The following LURAP1 variants were observed in gnomAD, a reference collection of about 807,000 sequenced individuals.
The protein encoded by LURAP1 is NF-kappa-B activator C1orf190.
LURAP1 carries 14 observed loss-of-function variants against 19.0 expected under a neutral mutation model. The ratio of observed to expected loss-of-function variants is 0.74; its 90% CI spans 0.49 to 1.15. The LOEUF is 1.15. Among genes scored for constraint, LURAP1 ranks in the 50% most tolerant of loss-of-function variants. LURAP1 has a pLI of 0.00. For missense variants in LURAP1, 273 were observed against 309.1 expected (o/e 0.88, Z 0.87); for synonymous variants, 129 against 131.8 (o/e 0.98, Z 0.14).
In LURAP1 at chr1:46,203,338, T is replaced by G; in HGVS notation, c.-89T>G. 1 of 1,244,224 alleles carries G rather than the reference T, an allele frequency of 8.0e-7. No homozygotes were observed. Among genetic ancestry groups the G allele is most frequent in the Non-Finnish European group, 1.1e-6 (1 of 933,728 alleles). 77.1% of individuals were successfully genotyped at this position (1,244,224 alleles called of 1,614,324 possible). The stretch of plus-strand genomic sequence containing the variant: ...CCGCGCGGGCGGGGACCCACCGGTT[T>G]TGCTCCGCTTTAGCAGCGGCGAAGG... On this transcript the variant is annotated 5_prime_UTR_variant, in exon 1 of 2. Transcript: ENST00000371980.
chr1:46,205,221 G>A (rs1193265294), intron 1 of LURAP1, among the ~76,000 whole-genome samples: 1 of 152,058 alleles, frequency 6.6e-6, no homozygotes, highest in Non-Finnish European at 1.5e-5. Flanking sequence ...TCGCACCACT[G>A]CACTCCAGCC....
chr1:46,215,511 C>T (rs1463696648), intron 1 of LURAP1, among the ~76,000 whole-genome samples: 1 of 152,156 alleles, frequency 6.6e-6, no homozygotes, highest in African/African-American at 2.4e-5. Context: ...AAGAGAAGAT[C>T]CTAAAAGCTT....
chr1:46,219,929 T>C lies in LURAP1; in HGVS notation c.429T>C (p.Ser143=), dbSNP rs570496049. 1 of 1,614,240 alleles carries C rather than the reference T, an allele frequency of 6.2e-7. No individual in the cohort carries two copies. Among genetic ancestry groups the C allele is most frequent in the Admixed American group, 1.7e-5 (1 of 60,026 alleles). ...TSTTDRLDSV[S]IGSFLDTVAP... The stretch of plus-strand genomic sequence containing the variant: ...CCACCGACCGGCTGGACAGTGTCTC[T>C]ATTGGCAGCTTCCTGGACACAGTGG... Residue 143 remains serine (S), a synonymous_variant, in exon 2 of 2, where the codon TCT becomes TCC. Transcript: ENST00000371980.
chr1:46,215,225 CAAAA>C (rs35554687), intron 1 of LURAP1, among the ~76,000 whole-genome samples: 1 of 75,578 alleles, frequency 1.3e-5, no homozygotes, highest in Non-Finnish European at 2.7e-5. Context: ...AACTCTGTCT[CAAAA>C]AAAAAAAAAA....
In LURAP1 at chr1:46,203,465, G is replaced by A. The variant is rs776919489; in HGVS notation, c.39G>A (p.Arg13=). ...TGGAGTCCCAGACGCCTGACCTGCGGGATGTGGAGGGTAAGGTGGGCAGGA... is the reference window on the plus strand; with the variant it reads ...TGGAGTCCCAGACGCCTGACCTGCGAGATGTGGAGGGTAAGGTGGGCAGGA... The part of the protein sequence containing the change: ...GTVESQTPDL[R]DVEGKVGRKT... The change falls in exon 1 of 2, where the codon CGG becomes CGA. Residue 13 remains arginine, a synonymous_variant. Coordinates refer to ENST00000371980, the MANE Select transcript of LURAP1 (RefSeq NM_001013615.3). 6.6e-7 allele frequency: 1 copy of A among 1,508,844 alleles called. No individual in the cohort carries two copies. Among genetic ancestry groups the A allele is most frequent in the South Asian group, 1.3e-5 (1 of 77,242 alleles). The allele number at this position is 1,508,844 out of a possible 1,614,324, so 93.5% of individuals were successfully genotyped here. A position where few individuals can be genotyped will look rare whatever the true frequency, so the allele number is the denominator to read the frequency against.
intron 1 of LURAP1, among the ~76,000 whole-genome samples, chr1:46,213,711 C>T (rs1297350621): frequency 1.3e-5 from 2 of 151,880 alleles, no homozygotes; most frequent in African/African-American, 4.8e-5. Flanking sequence ...CGTAGCGAGA[C>T]TTTGTCTCTA....
intron 1 of LURAP1, among the ~76,000 whole-genome samples, chr1:46,215,178 A>G (rs923385077): frequency 2.7e-5 from 4 of 149,666 alleles, no homozygotes; most frequent in Non-Finnish European, 5.9e-5. Flanking sequence ...GTAAGCCAAG[A>G]TCGCACCATT....
chr1:46,219,732 C>G lies in LURAP1; in HGVS notation c.232C>G (p.Gln78Glu), dbSNP rs546155090. The change falls in exon 2 of 2, where the codon CAG becomes GAG. Residue 78 changes from glutamine (Q) to glutamate (E), a missense_variant. Coordinates refer to ENST00000371980, the MANE Select transcript of LURAP1 (RefSeq NM_001013615.3). ...YLRAIDVKIL[Q>E]QLVTLNEGIE... ...GCGAGCCATCGATGTGAAGATCCTG[C>G]AGCAGCTGGTGACCTTGAATGAGGG... 6.2e-7 allele frequency: 1 copy of G among 1,606,290 alleles called. No homozygotes were observed. The highest frequency in any genetic ancestry group is 1.3e-5 in the African/African-American group (1 of 74,972).
chr1:46,206,717 C>A (rs1216283883), intron 1 of LURAP1, among the ~76,000 whole-genome samples: 1 of 152,186 alleles, frequency 6.6e-6, no homozygotes, highest in Non-Finnish European at 1.5e-5. Context: ...TTCCCAGCAA[C>A]ACACTACAAC....
intron 1 of LURAP1, among the ~76,000 whole-genome samples, chr1:46,217,772 G>C (rs141919145): frequency 6.6e-6 from 1 of 152,228 alleles, no homozygotes; most frequent in South Asian, 2.1e-4. Flanking sequence ...CAAGAGAATC[G>C]CTTGAACCCT....
At chr1:46,207,546 T>G (rs982696551) in intron 1 of LURAP1, among the ~76,000 whole-genome samples, 2 of 149,258 alleles carry the variant, frequency 1.3e-5, no homozygotes, top group African/African-American at 4.9e-5. Flanking sequence ...CTTTCTTTCT[T>G]TTTTTTTTTT....
At chr1:46,212,769 T>C (rs74531559) in intron 1 of LURAP1, among the ~76,000 whole-genome samples, 3 of 151,768 alleles carry the variant, frequency 2.0e-5, no homozygotes, top group Non-Finnish European at 4.4e-5. Context: ...TATTTTATTT[T>C]ATTTTTTTGA....
chr1:46,208,407 C>T (rs1658787396), intron 1 of LURAP1, among the ~76,000 whole-genome samples: 2 of 152,096 alleles, frequency 1.3e-5, no homozygotes, highest in South Asian at 4.1e-4. Flanking sequence ...AGTGCCACAC[C>T]AATAAGAAAC....
chr1:46,217,388 T>A (rs993138059), intron 1 of LURAP1, among the ~76,000 whole-genome samples: 6 of 147,726 alleles, frequency 4.1e-5, no homozygotes, highest in Non-Finnish European at 7.5e-5. Context: ...TAATAATAAT[T>A]CTAAGGATAA....
chr1:46,207,041 T>C (rs1185919208), intron 1 of LURAP1, among the ~76,000 whole-genome samples: 3 of 152,146 alleles, frequency 2.0e-5, no homozygotes, highest in African/African-American at 7.2e-5. Context: ...TTTCCTCTGC[T>C]TGAAATGCTT....
rs1659194195 is a variant in LURAP1 at position 46,220,099 on chromosome 1, A to G, written c.599A>G (p.Lys200Arg). 1 of 1,614,112 alleles carries G rather than the reference A, an allele frequency of 6.2e-7. No individual in the cohort carries two copies. The highest frequency in any genetic ancestry group is 1.3e-5 in the African/African-American group (1 of 74,944). The change falls in exon 2 of 2, where the codon AAG (lysine) becomes AGG (arginine). Residue 200 changes from lysine (K) to arginine (R), a missense_variant. By Grantham distance (26) the Lys-to-Arg change is conservative. Coordinates refer to ENST00000371980, the MANE Select transcript of LURAP1 (RefSeq NM_001013615.3). The stretch of plus-strand genomic sequence containing the variant: ...CTAGGGAGCTTGAGAGCTGTGTGGA[A>G]GCCCCCAGGGGAGAGGCTTCAAGGT... ...TRLGSLRAVW[K>R]PPGERLQGGP... is the part of the protein sequence containing the mutation.
In LURAP1 at chr1:46,220,368, C is replaced by A; in HGVS notation, c.*148C>A. On this transcript the variant is annotated 3_prime_UTR_variant, in exon 2 of 2. Coordinates refer to ENST00000371980, the MANE Select transcript of LURAP1 (RefSeq NM_001013615.3). ...AACCTGGCTCATCATTTCTCTAGTC[C>A]CTAGGGAGTCTCTGCCTTTATCCCT... 1 of 784,394 alleles carries A rather than the reference C, an allele frequency of 1.3e-6. No homozygotes were observed. Among genetic ancestry groups the A allele is most frequent in the Non-Finnish European group, 2.0e-6 (1 of 501,920 alleles). 48.6% of individuals were successfully genotyped at this position (784,394 alleles called of 1,614,324 possible). A position where few individuals can be genotyped will look rare whatever the true frequency, so the allele number is the denominator to read the frequency against.
chr1:46,210,941 A>ATTT (rs34921411), intron 1 of LURAP1, among the ~76,000 whole-genome samples: 2 of 134,452 alleles, frequency 1.5e-5, no homozygotes, highest in Non-Finnish European at 1.6e-5. Context: ...CACTCACCTA[A>ATTT]TTTTTTTTTT....
rs553553716 is a variant in LURAP1 at position 46,205,757 on chromosome 1, C to A, written c.198+2133C>A. 4.6e-5 allele frequency among the ~76,000 whole-genome samples: 7 copies of A among 152,336 alleles called. No homozygotes were observed. The East Asian group carries it at 1.2e-3, about 25-fold the overall frequency. The stretch of plus-strand genomic sequence containing the variant: ...AGGAGAGATCCCCATCCTATTTTTT[C>A]TCCTTCCTCAGGCCAGGATGTTATT... On this transcript the variant is annotated intron_variant, in intron 1 of 1. Coordinates refer to ENST00000371980, the MANE Select transcript of LURAP1 (RefSeq NM_001013615.3).
Sources: allele counts gnomAD v4.1 joint callset (sites outside exome capture counted in the v4.1 genomes callset), GRCh38; gene constraint gnomAD v4.1.1; transcripts MANE v1.5; gene names NCBI Gene and HGNC (gene_info 2026-07-23, HGNC 2026-07-21).